Variants in GOLM2 observed in about 807,000 individuals in gnomAD.
The protein encoded by GOLM2 is protein GOLM2.
In GOLM2, 26 loss-of-function variants were observed where a neutral mutation model predicts 55.9. The observed-to-expected ratio is 0.47, with a 90% CI of 0.34 to 0.65. The LOEUF (loss-of-function observed/expected upper bound fraction) is 0.65, where lower values mean the gene tolerates loss of function less well. GOLM2 is among the 30% of genes least tolerant of loss of function. GOLM2 has a pLI of 0.01. For missense variants in GOLM2, 486 were observed against 531.8 expected, an observed-to-expected ratio of 0.91 and a Z score of 0.85; for synonymous variants, 165 against 194.6, an observed-to-expected ratio of 0.85 and a Z score of 1.27.
chr15:44,321,484 A>G (rs557597986), intron 1 of GOLM2, among the ~76,000 whole-genome samples: 5,620 of 69,676 alleles, frequency 0.081, 371 homozygotes, highest in African/African-American at 0.23. Context: ...AAAAAAAAAA[A>G]GGGGGGGTGG....
At chr15:44,311,639 TATAGG>T (rs2078875797) in intron 1 of GOLM2, among the ~76,000 whole-genome samples, 1 of 151,970 alleles carries the variant, frequency 6.6e-6, no homozygotes, top group Non-Finnish European at 1.5e-5. Flanking sequence ...ATAAACCTAA[TATAGG>T]ATTGCTTTTG....
At chr15:44,354,086 T>C (rs990840823) in intron 6 of GOLM2, among the ~76,000 whole-genome samples, 18 of 151,656 alleles carry the variant, frequency 1.2e-4, no homozygotes, top group African/African-American at 4.4e-4. Flanking sequence ...AAGAAGAAAA[T>C]GTAAGTAATG....
chr15:44,395,252 C>T (rs936210897), intron 8 of GOLM2, among the ~76,000 whole-genome samples: 4 of 151,332 alleles, frequency 2.6e-5, no homozygotes, highest in Admixed American at 2.0e-4. Context: ...TCGTGATCCG[C>T]CCGCCTCAGC....
chr15:44,293,807 A>G (rs903681958), intron 1 of GOLM2, among the ~76,000 whole-genome samples: 1 of 152,166 alleles, frequency 6.6e-6, no homozygotes, highest in Non-Finnish European at 1.5e-5. Flanking sequence ...CATACTGTAC[A>G]CTTTGGAAGA....
At chr15:44,293,781 A>T (rs915976147) in intron 1 of GOLM2, among the ~76,000 whole-genome samples, 9 of 152,050 alleles carry the variant, frequency 5.9e-5, no homozygotes, top group Non-Finnish European at 1.2e-4. Context: ...ATGTACTCTT[A>T]AAAAAAATCT....
At chr15:44,304,733 G>A (rs1021407311) in intron 1 of GOLM2, among the ~76,000 whole-genome samples, 1 of 151,944 alleles carries the variant, frequency 6.6e-6, no homozygotes, top group African/African-American at 2.4e-5. Context: ...TTAAAAAATG[G>A]TTTGTAGACC....
At chr15:44,322,849 A>G (rs2078959817) in intron 1 of GOLM2, 116 bp from the exon 2 acceptor site, 2 of 636,812 alleles carry the variant, frequency 3.1e-6, no homozygotes, top group Non-Finnish European at 5.4e-6. Flanking sequence ...TAGAGTATAA[A>G]TAAATAACCA....
intron 1 of GOLM2, among the ~76,000 whole-genome samples, chr15:44,291,951 G>C (rs943167981): frequency 8.6e-5 from 13 of 152,030 alleles, no homozygotes; most frequent in East Asian, 3.9e-4. Flanking sequence ...AATAAAGAAG[G>C]CTATTCAATT....
At chr15:44,340,164 G>A (rs1296481385) in intron 6 of GOLM2, among the ~76,000 whole-genome samples, 1 of 152,096 alleles carries the variant, frequency 6.6e-6, no homozygotes, top group Non-Finnish European at 1.5e-5. Context: ...TCACCATGTT[G>A]CCCAGGCTGA....
intron 1 of GOLM2, among the ~76,000 whole-genome samples, chr15:44,314,559 C>CAAAAAAAAA (rs371029849): frequency 1.3e-5 from 1 of 75,750 alleles, no homozygotes. Context: ...AACTCCATCT[C>CAAAAAAAAA]AAAAAAAAAA....
chr15:44,306,560 G>T lies in GOLM2; in HGVS notation c.328-16405G>T, dbSNP rs147713076. On this transcript the variant is annotated intron_variant, in intron 1 of 9. Transcript: ENST00000299957. Reference sequence around the variant, plus strand: ...AAGTAACACTTTGAATTTCCTTAAAGAATTTTTCCTTTGCATTCACAATTT... The same window carrying T: ...AAGTAACACTTTGAATTTCCTTAAATAATTTTTCCTTTGCATTCACAATTT... Among the ~76,000 whole-genome samples, 722 of 152,262 alleles carry T rather than the reference G, an allele frequency of 4.7e-3. 8 individuals are homozygous for T. The highest frequency in any genetic ancestry group is 0.017 in the African/African-American group (688 of 41,564).
At chr15:44,394,102 A>G (rs2141205847) in intron 8 of GOLM2, among the ~76,000 whole-genome samples, 1 of 152,336 alleles carries the variant, frequency 6.6e-6, no homozygotes, top group South Asian at 2.1e-4. Flanking sequence ...TCTATTCACC[A>G]TAAATCACTT....
At chr15:44,326,826 A>G (rs148645316) in intron 2 of GOLM2, among the ~76,000 whole-genome samples, 19 of 149,640 alleles carry the variant, frequency 1.3e-4, no homozygotes, top group African/African-American at 4.4e-4. Context: ...TAATTTTTGT[A>G]TTTTTAGTGG....
intron 6 of GOLM2, among the ~76,000 whole-genome samples, chr15:44,357,903 A>G (rs1352766481): frequency 6.6e-6 from 1 of 152,216 alleles, no homozygotes; most frequent in East Asian, 1.9e-4. Context: ...ATCAAAGAAG[A>G]ATTAAATAAA....
chr15:44,383,589 C>T lies in GOLM2; in HGVS notation c.1072+2613C>T, dbSNP rs140642635. 2.0e-3 allele frequency among the ~76,000 whole-genome samples: 305 copies of T among 151,144 alleles called. 1 individual carries two copies. Among genetic ancestry groups the T allele is most frequent in the South Asian group, 7.7e-3 (37 of 4,784 alleles). ...TTATAATTATTTCTTGGTATATAATCTGTGCATCAGTTTTGACCACTTAGC... is the reference window on the plus strand; with the variant it reads ...TTATAATTATTTCTTGGTATATAATTTGTGCATCAGTTTTGACCACTTAGC... On this transcript the variant is annotated intron_variant, in intron 8 of 9. Transcript: ENST00000299957.
intron 2 of GOLM2, 114 bp downstream of exon 2, chr15:44,323,133 C>T (rs1163119803): frequency 1.6e-6 from 1 of 618,176 alleles, no homozygotes; most frequent in African/African-American, 2.0e-5. Context: ...TGAACAAACT[C>T]CTCTGATGGT....
chr15:44,323,558 C>T (rs1417640715), intron 2 of GOLM2, among the ~76,000 whole-genome samples: 3 of 150,736 alleles, frequency 2.0e-5, no homozygotes, highest in Admixed American at 2.0e-4. Flanking sequence ...GGTACTACAG[C>T]TTTTATGGAG....
intron 6 of GOLM2, among the ~76,000 whole-genome samples, chr15:44,370,433 T>C (rs1223108361): frequency 1.3e-5 from 2 of 152,154 alleles, no homozygotes; most frequent in African/African-American, 4.8e-5. Flanking sequence ...TGTGGTGATG[T>C]GCTCCTATAG....
chr15:44,289,546 G>C lies in GOLM2; in HGVS notation c.327+190G>C, dbSNP rs752061464. On this transcript the variant is annotated intron_variant, in intron 1 of 9. Transcript: ENST00000299957. This position sits in a 1 kb window ranked among gnomAD's most constrained non-coding sequence, Gnocchi z 4.8. The stretch of plus-strand genomic sequence containing the variant: ...ATCAGTGCCACGTTCTCTGGTCCCT[G>C]CCAGAAAAAAATGACTGTAAATTCT... Among the ~76,000 whole-genome samples the C allele has an allele frequency of 3.3e-5, 5 of 152,146 alleles. No homozygotes were observed. Among genetic ancestry groups the C allele is most frequent in the Non-Finnish European group, 7.4e-5 (5 of 68,020 alleles).
Sources: gnomAD v4.1 joint callset for allele counts (sites outside exome capture counted in the v4.1 genomes callset) on GRCh38, gnomAD v4.1.1 for gene constraint, Gnocchi (gnomAD v3.1) non-coding constraint, MANE v1.5 for transcripts, NCBI Gene and HGNC (gene_info 2026-07-23, HGNC 2026-07-21) for gene names.